Variants in DOCK5 observed in about 807,000 individuals in gnomAD.
DOCK5 encodes dedicator of cytokinesis protein 5.
DOCK5 carries 142 observed loss-of-function variants against 251.8 expected under a neutral mutation model. The ratio of observed to expected loss-of-function variants is 0.56; its 90% confidence interval spans 0.49 to 0.65. The LOEUF is 0.65. Ranked by LOEUF, DOCK5 falls within the 30% of genes least tolerant of loss-of-function variation. The pLI, the probability that DOCK5 is intolerant of heterozygous loss-of-function variation, is 0.00. For synonymous variants in DOCK5, 842 were observed against 835.5 expected (o/e 1.01, Z -0.13); for missense variants, 2,111 against 2,312.3 (o/e 0.91, Z 1.79).
At chr8:25,228,045 T>C (rs534867059) in intron 1 of DOCK5, among the ~76,000 whole-genome samples, 2 of 152,184 alleles carry the variant, frequency 1.3e-5, no homozygotes, top group African/African-American at 4.8e-5. Flanking sequence ...CCACCACACC[T>C]GGCTAACTTT....
Position 25,367,694 on chromosome 8 carries a change from C to A in DOCK5, c.3225-498C>A, listed in dbSNP as rs181295911. Among the ~76,000 whole-genome samples the A allele has an allele frequency of 1.3e-3, 197 of 152,286 alleles. 1 individual carries two copies. The highest frequency in any genetic ancestry group is 4.5e-3 in the African/African-American group (187 of 41,552). The stretch of plus-strand genomic sequence containing the variant: ...TTTGCTCCCAAGGACCAATATTTAT[C>A]CCTTTGTGGACAGTATCACTCCCAT... On this transcript the variant is annotated intron_variant, in intron 31 of 51. Transcript: ENST00000276440.
At chr8:25,318,246 C>G (rs2117195970) in intron 14 of DOCK5, among the ~76,000 whole-genome samples, 1 of 74,150 alleles carries the variant, frequency 1.3e-5, no homozygotes, top group Non-Finnish European at 3.0e-5. Context: ...CGCCACCATG[C>G]TCGACTGATT....
chr8:25,254,518 G>A (rs1803359644), intron 2 of DOCK5, among the ~76,000 whole-genome samples: 1 of 152,020 alleles, frequency 6.6e-6, no homozygotes, highest in Admixed American at 6.6e-5. Flanking sequence ...GCTCACACCT[G>A]TAATCTCAGC....
chr8:25,375,842 A>C (rs1800953536), intron 37 of DOCK5: 1 of 980,692 alleles, frequency 1.0e-6, no homozygotes, highest in Admixed American at 6.2e-5. Context: ...TCACGCCTGT[A>C]ATCCCAGCTC....
chr8:25,368,130 T>G, intron 31 of DOCK5, 62 bp from the exon 32 acceptor site: 1 of 1,293,686 alleles, frequency 7.7e-7, no homozygotes, highest in Non-Finnish European at 1.1e-6. Context: ...TTCCTTCTTA[T>G]TGTGTTTATG....
intron 1 of DOCK5, among the ~76,000 whole-genome samples, chr8:25,186,478 A>G (rs1454180368): frequency 2.6e-5 from 4 of 151,842 alleles, no homozygotes; most frequent in South Asian, 2.1e-4. Context: ...GGTTCCAGCA[A>G]TTCTCCTGTC....
chr8:25,304,128 A>T lies in DOCK5; in HGVS notation c.977-127A>T, dbSNP rs114261096. ...GAATCACCATTGGCAAAGAAATTTTAAAAAAGTCCCTGCTTAGTACCTTTC... is the reference window on the plus strand; with the variant it reads ...GAATCACCATTGGCAAAGAAATTTTTAAAAAGTCCCTGCTTAGTACCTTTC... On this transcript the variant is annotated intron_variant, in intron 10 of 51. Coordinates refer to ENST00000276440, the MANE Select transcript of DOCK5 (RefSeq NM_024940.8). The T allele has an allele frequency of 2.9e-3, 2,247 of 774,128 alleles. 50 individuals carry two copies. The African/African-American group carries it at 0.035, about 12-fold the overall frequency. 48.0% of individuals were successfully genotyped at this position (774,128 alleles called of 1,614,324 possible).
intron 6 of DOCK5, among the ~76,000 whole-genome samples, chr8:25,293,751 C>T (rs374590127): frequency 2.0e-5 from 3 of 152,144 alleles, no homozygotes; most frequent in African/African-American, 7.2e-5. Flanking sequence ...TGCCTTTAAT[C>T]CCAGCAGTTT....
chr8:25,218,490 G>A (rs1363575955), intron 1 of DOCK5, among the ~76,000 whole-genome samples: 1 of 152,174 alleles, frequency 6.6e-6, no homozygotes, highest in Admixed American at 6.5e-5. Flanking sequence ...CATGGTCCAG[G>A]GACAGCTGGA....
rs754449630 is a variant in DOCK5 at position 25,408,829 on chromosome 8, A to G, written c.5293A>G (p.Lys1765Glu). Residue 1765 changes from lysine (K) to glutamate (E), a missense_variant, in exon 50 of 52, where the codon AAG (lysine) becomes GAG (glutamate). Around this residue, in one of 3 missense-constraint regions of DOCK5, gnomAD observed 1,717 missense variants for 1,892.4 expected, o/e 0.91. Coordinates refer to ENST00000276440, the MANE Select transcript of DOCK5 (RefSeq NM_024940.8). ...MSPTRKAQRP[K>E]SLQLMDNRLS... ...CCCAACCAGAAAAGCACAAAGGCCA[A>G]AGAGTCTCCAGTTGATGGATAATCG... 7.0e-5 allele frequency: 113 copies of G among 1,613,868 alleles called. No homozygotes were observed. Among genetic ancestry groups the G allele is most frequent in the Admixed American group, 4.8e-4 (29 of 60,004 alleles).
chr8:25,379,771 G>T (rs1166632397), intron 38 of DOCK5, among the ~76,000 whole-genome samples: 1 of 151,716 alleles, frequency 6.6e-6, no homozygotes, highest in African/African-American at 2.4e-5. Flanking sequence ...CCCTCCATTC[G>T]GGGTCCCTGA....
chr8:25,311,122 G>A (rs1805081474), intron 13 of DOCK5, among the ~76,000 whole-genome samples: 1 of 152,164 alleles, frequency 6.6e-6, no homozygotes, highest in African/African-American at 2.4e-5. Context: ...GCATATGTGT[G>A]TGTTCTCTGG....
intron 6 of DOCK5, 108 bp from the exon 7 acceptor site, chr8:25,296,405 A>C: frequency 7.1e-7 from 1 of 1,411,754 alleles, no homozygotes; most frequent in Non-Finnish European, 9.5e-7. Context: ...GGGCTTGTCC[A>C]GCATCTCCCT....
chr8:25,197,575 CTTTTTTTTTTTT>C (rs541455591), intron 1 of DOCK5, among the ~76,000 whole-genome samples: 20 of 108,308 alleles, frequency 1.8e-4, no homozygotes, highest in Admixed American at 3.0e-4. Context: ...GTGTCTTTGT[CTTTTTTTTTTTT>C]TTTTTTTTTT....
At chr8:25,241,367 A>G (rs865937690) in intron 1 of DOCK5, among the ~76,000 whole-genome samples, 1 of 152,016 alleles carries the variant, frequency 6.6e-6, no homozygotes, top group African/African-American at 2.4e-5. Flanking sequence ...AGTCCCAGCT[A>G]CTGGGGAGGC....
At chr8:25,201,821 G>C (rs991539987) in intron 1 of DOCK5, among the ~76,000 whole-genome samples, 2 of 152,176 alleles carry the variant, frequency 1.3e-5, no homozygotes, top group African/African-American at 4.8e-5. Context: ...CAGCCTCCCT[G>C]ACAGTACCCT....
At position 25,403,641 on chromosome 8, in the gene DOCK5, G is replaced by A; in HGVS notation, c.5010G>A (p.Leu1670=). ...PYIMSSTLRR[L]SITSVTSSVV... The stretch of plus-strand genomic sequence containing the variant: ...TCATGTCTTCCACTCTGCGGAGGTT[G>A]TCCATCACCTCAGTCACTTCCTCTG... The change falls in exon 48 of 52, where the codon TTG becomes TTA. Residue 1670 remains leucine (L), a synonymous_variant. Coordinates refer to ENST00000276440, the MANE Select transcript of DOCK5 (RefSeq NM_024940.8). 1.2e-6 allele frequency: 2 copies of A among 1,613,972 alleles called. No individual in the cohort carries two copies. The highest frequency in any genetic ancestry group is 8.5e-7 in the Non-Finnish European group (1 of 1,179,878).
At chr8:25,301,061 G>A (rs1804747363) in intron 9 of DOCK5, among the ~76,000 whole-genome samples, 1 of 152,130 alleles carries the variant, frequency 6.6e-6, no homozygotes, top group South Asian at 2.1e-4. Flanking sequence ...AAGGAAAAAT[G>A]ACCTTAAAGT....
intron 1 of DOCK5, among the ~76,000 whole-genome samples, chr8:25,190,076 G>A (rs994113038): frequency 1.3e-5 from 2 of 152,026 alleles, no homozygotes; most frequent in Non-Finnish European, 2.9e-5. Context: ...TAGTAGAGAC[G>A]GGGTTTCACC....
Sources: gnomAD v4.1 joint callset for allele counts (sites outside exome capture counted in the v4.1 genomes callset) on GRCh38, gnomAD v4.1.1 for gene constraint, gnomAD v4.1.1 regional missense constraint, MANE v1.5 for transcripts, NCBI Gene and HGNC (gene_info 2026-07-23, HGNC 2026-07-21) for gene names.